AFAP1: variants seen among roughly 807,000 people sequenced by gnomAD.
AFAP1 encodes actin filament associated protein 1, also known as actin filament-associated protein 1.
In AFAP1, 75 loss-of-function variants were observed where a neutral mutation model predicts 93.9. The observed-to-expected ratio is 0.80, with a 90% CI of 0.66 to 0.97. The LOEUF is 0.97. Ranked by LOEUF, AFAP1 falls within the 50% of genes least tolerant of loss-of-function variation. The pLI, the probability that AFAP1 is intolerant of heterozygous loss-of-function variation, is 0.00. For missense variants in AFAP1, 1,201 were observed against 1,050.8 expected, an observed-to-expected ratio of 1.14 and a Z score of -1.98; for synonymous variants, 517 against 430.7, an observed-to-expected ratio of 1.20 and a Z score of -2.48.
At chr4:7,889,239 G>T (rs1173554048) in intron 1 of AFAP1, among the ~76,000 whole-genome samples, 1 of 152,126 alleles carries the variant, frequency 6.6e-6, no homozygotes, top group Non-Finnish European at 1.5e-5. Flanking sequence ...ATACTAAAAT[G>T]AGGAATACAG....
chr4:7,799,016 C>A (rs1718765149), intron 10 of AFAP1: 1 of 986,152 alleles, frequency 1.0e-6, no homozygotes, highest in Non-Finnish European at 1.2e-6. Context: ...AAGTTTTCAG[C>A]TTTTTTCCAC....
intron 9 of AFAP1, among the ~76,000 whole-genome samples, chr4:7,806,563 G>A (rs979310697): frequency 3.3e-5 from 5 of 152,288 alleles, no homozygotes; most frequent in East Asian, 1.9e-4. Flanking sequence ...CAGCAGCTGC[G>A]GAGACTCAAC....
chr4:7,765,594 G>A (rs1424452737), intron 17 of AFAP1, among the ~76,000 whole-genome samples: 4 of 152,230 alleles, frequency 2.6e-5, no homozygotes, highest in Non-Finnish European at 4.4e-5. Context: ...GGAGCTACGT[G>A]GATTTGAAAT....
chr4:7,779,645 G>C (rs879862192), intron 13 of AFAP1, among the ~76,000 whole-genome samples: 1 of 152,202 alleles, frequency 6.6e-6, no homozygotes, highest in Non-Finnish European at 1.5e-5. Flanking sequence ...TTGGGAGGCA[G>C]AGAGATCTAG....
intron 10 of AFAP1, among the ~76,000 whole-genome samples, chr4:7,799,483 C>T (rs550709727): frequency 2.0e-5 from 3 of 152,344 alleles, no homozygotes; most frequent in Admixed American, 1.3e-4. Context: ...TCACTGTGCA[C>T]GCATGTAGAG....
At chr4:7,838,041 T>A (rs1712521666) in intron 6 of AFAP1, among the ~76,000 whole-genome samples, 1 of 151,888 alleles carries the variant, frequency 6.6e-6, no homozygotes, top group Non-Finnish European at 1.5e-5. Context: ...GGTTGGTAAA[T>A]ACAAAAAGAA....
At chr4:7,795,375 A>G (rs1352404474) in intron 10 of AFAP1, among the ~76,000 whole-genome samples, 1 of 142,422 alleles carries the variant, frequency 7.0e-6, no homozygotes, top group East Asian at 2.0e-4. Flanking sequence ...TGTTCTCTTC[A>G]CAGGTCTTAT....
At chr4:7,766,469 C>G (rs1387547977) in intron 17 of AFAP1, among the ~76,000 whole-genome samples, 1 of 152,204 alleles carries the variant, frequency 6.6e-6, no homozygotes. Flanking sequence ...CTAGGTCACA[C>G]TGGCCACAGA....
chr4:7,849,772 C>T (rs1714225463), intron 4 of AFAP1, among the ~76,000 whole-genome samples: 1 of 152,216 alleles, frequency 6.6e-6, no homozygotes. Context: ...CTCCATCTCA[C>T]ATCCTCACTT....
chr4:7,793,968 G>A, intron 10 of AFAP1, 142 bp from the exon 11 acceptor site: 2 of 944,952 alleles, frequency 2.1e-6, no homozygotes, highest in South Asian at 5.4e-5. Context: ...AGATGGCTGA[G>A]CGATGGGATT....
chr4:7,923,149 G>T (rs1393936274), intron 1 of AFAP1, among the ~76,000 whole-genome samples: 1 of 152,124 alleles, frequency 6.6e-6, no homozygotes, highest in African/African-American at 2.4e-5. Context: ...ACTCAATTAA[G>T]ACATAAGCAA....
At chr4:7,880,199 T>C (rs1205927020) in intron 1 of AFAP1, among the ~76,000 whole-genome samples, 1 of 152,106 alleles carries the variant, frequency 6.6e-6, no homozygotes, top group African/African-American at 2.4e-5. Context: ...CCAAAACTAC[T>C]TTAAAGGCAT....
chr4:7,920,782 A>G (rs1229258808), intron 1 of AFAP1, among the ~76,000 whole-genome samples: 1 of 151,728 alleles, frequency 6.6e-6, no homozygotes, highest in East Asian at 1.9e-4. Context: ...GTTTGAGACT[A>G]AAAAACAGAA....
At chr4:7,859,919 A>C (rs1715480215) in intron 3 of AFAP1, among the ~76,000 whole-genome samples, 1 of 152,100 alleles carries the variant, frequency 6.6e-6, no homozygotes, top group Non-Finnish European at 1.5e-5. Flanking sequence ...TGGTGGGAGG[A>C]CTGCTTAAAG....
At chr4:7,887,383 A>G (rs1454335090) in intron 1 of AFAP1, among the ~76,000 whole-genome samples, 1 of 152,228 alleles carries the variant, frequency 6.6e-6, no homozygotes, top group Non-Finnish European at 1.5e-5. Flanking sequence ...AATAAATATA[A>G]ACACACAGAA....
At chr4:7,875,333 C>T (rs1277566487) in intron 1 of AFAP1, among the ~76,000 whole-genome samples, 1 of 152,168 alleles carries the variant, frequency 6.6e-6, no homozygotes, top group African/African-American at 2.4e-5. Context: ...GGATGTGGCA[C>T]CAGCAGTTCA....
chr4:7,882,935 A>G (rs1717935321), intron 1 of AFAP1, among the ~76,000 whole-genome samples: 1 of 152,122 alleles, frequency 6.6e-6, no homozygotes, highest in South Asian at 2.1e-4. Flanking sequence ...CTGTAATCCC[A>G]GCACTCTGGG....
intron 1 of AFAP1, among the ~76,000 whole-genome samples, chr4:7,877,506 C>G (rs1237278578): frequency 6.6e-6 from 1 of 152,194 alleles, no homozygotes; most frequent in African/African-American, 2.4e-5. Context: ...CTCTTCACAA[C>G]ATTGCTAGGA....
rs764545264 is a variant in AFAP1 at position 7,768,855 on chromosome 4, G to A, written c.2407C>T (p.Arg803Trp). ...GSSPCRGHVL[R>W]KAKEWELKNG... ...ACATCAGGGCTTACCTTGGCCTTCC[G>A]CAGCACATGCCCTCGGCAGGGGGAG... Residue 803 changes from arginine (R) to tryptophan (W), a missense_variant, in exon 17 of 18, where the codon CGG becomes TGG. By Grantham distance (101) the Arg-to-Trp change is moderately radical. Transcript: ENST00000420658. 39 of 1,598,078 alleles carry A rather than the reference G, an allele frequency of 2.4e-5. No individual in the cohort carries two copies. The highest frequency in any genetic ancestry group is 5.1e-5 in the Admixed American group (3 of 59,396).
Sources: allele counts gnomAD v4.1 joint callset (sites outside exome capture counted in the v4.1 genomes callset), GRCh38; gene constraint gnomAD v4.1.1; transcripts MANE v1.5; gene names NCBI Gene and HGNC (gene_info 2026-07-23, HGNC 2026-07-21).